NDUFS4: variants seen among roughly 807,000 people sequenced by gnomAD.
NDUFS4 encodes the protein NADH:ubiquinone oxidoreductase subunit S4.
In NDUFS4, 28 loss-of-function variants were observed where a neutral mutation model predicts 24.3. That is an observed-to-expected ratio of 1.15 (90% CI 0.85 to 1.58). NDUFS4 has a LOEUF of 1.58. Among genes scored for constraint, NDUFS4 ranks in the 40% most tolerant of loss-of-function variants. The pLI is 0.00. For synonymous variants in NDUFS4, 93 were observed against 69.7 expected (o/e 1.34, Z -1.67); for missense variants, 223 against 207.9 (o/e 1.07, Z -0.45).
intron 1 of NDUFS4, among the ~76,000 whole-genome samples, chr5:53,582,483 A>C (rs911347086): frequency 6.6e-6 from 1 of 152,180 alleles, no homozygotes; most frequent in Admixed American, 6.5e-5. Context: ...TTCAGCTCAC[A>C]TGTACATCCT....
At chr5:53,671,938 A>G (rs1454705519) in intron 4 of NDUFS4, among the ~76,000 whole-genome samples, 1 of 152,156 alleles carries the variant, frequency 6.6e-6, no homozygotes, top group Non-Finnish European at 1.5e-5. Context: ...TCTCAAAATA[A>G]AGGAAGGTTT....
intron 4 of NDUFS4, among the ~76,000 whole-genome samples, chr5:53,682,387 C>T (rs1186666588): frequency 6.6e-6 from 1 of 151,518 alleles, no homozygotes; most frequent in Non-Finnish European, 1.5e-5. Context: ...CTTTTTTATG[C>T]ATAAAAATCT....
intron 1 of NDUFS4, among the ~76,000 whole-genome samples, chr5:53,582,906 C>T (rs138818566): frequency 3.3e-5 from 5 of 152,218 alleles, no homozygotes; most frequent in African/African-American, 1.2e-4. Context: ...AGCAGTATAG[C>T]ATATATTTTT....
rs191798644 is a variant in NDUFS4, at chr5:53,669,211, A to C, written c.424+10587A>C. ...ACTATGACATTTGTGTAAGTCCCAAAATACCCTTTATTCAAACATCTTCAA... is the reference window on the plus strand; with the variant it reads ...ACTATGACATTTGTGTAAGTCCCAACATACCCTTTATTCAAACATCTTCAA... On this transcript the variant is annotated intron_variant, in intron 4 of 4. Transcript: ENST00000296684. 1.5e-3 allele frequency among the ~76,000 whole-genome samples: 227 copies of C among 152,270 alleles called. 1 individual carries two copies. The highest frequency in any genetic ancestry group is 4.9e-3 in the African/African-American group (205 of 41,554).
chr5:53,622,947 G>A (rs1234732589), intron 2 of NDUFS4, among the ~76,000 whole-genome samples: 1 of 152,114 alleles, frequency 6.6e-6, no homozygotes, highest in Admixed American at 6.5e-5. Context: ...GCATGTGTCA[G>A]AATTTCATTC....
intron 2 of NDUFS4, among the ~76,000 whole-genome samples, chr5:53,610,173 A>G (rs1750652097): frequency 6.6e-6 from 1 of 151,872 alleles, no homozygotes; most frequent in African/African-American, 2.4e-5. Flanking sequence ...GAGACATGAG[A>G]CTCTTCCTTT....
intron 1 of NDUFS4, among the ~76,000 whole-genome samples, chr5:53,596,276 AC>A (rs945276619): frequency 2.0e-5 from 3 of 151,756 alleles, no homozygotes; most frequent in Non-Finnish European, 2.9e-5. Flanking sequence ...ATAAAAAAAA[AC>A]AAAAAATTAG....
At chr5:53,645,936 C>G (rs916896280) in intron 2 of NDUFS4, among the ~76,000 whole-genome samples, 2 of 152,160 alleles carry the variant, frequency 1.3e-5, no homozygotes, top group African/African-American at 4.8e-5. Context: ...ACAGGCTCTT[C>G]TGCGAGCAAA....
At chr5:53,646,129 T>C (rs1751854222) in intron 2 of NDUFS4, 104 bp from the exon 3 acceptor site, 1 of 971,400 alleles carries the variant, frequency 1.0e-6, no homozygotes, top group Admixed American at 2.2e-5. Context: ...TCTCAATTTA[T>C]GAACAAATCT....
At chr5:53,627,448 T>C (rs1253416639) in intron 2 of NDUFS4, among the ~76,000 whole-genome samples, 1 of 152,222 alleles carries the variant, frequency 6.6e-6, no homozygotes, top group East Asian at 1.9e-4. Flanking sequence ...GGGTATAGCA[T>C]TGAATCTGTA....
chr5:53,635,228 C>A (rs983005641), intron 2 of NDUFS4, among the ~76,000 whole-genome samples: 1 of 150,830 alleles, frequency 6.6e-6, no homozygotes, highest in East Asian at 1.9e-4. Flanking sequence ...ACCAACCAAC[C>A]AAAAAATCCA....
chr5:53,636,634 T>C (rs1319937756), intron 2 of NDUFS4, among the ~76,000 whole-genome samples: 1 of 152,198 alleles, frequency 6.6e-6, no homozygotes, highest in African/African-American at 2.4e-5. Flanking sequence ...AACTTAGTGA[T>C]ATGGTTCGGA....
intron 1 of NDUFS4, chr5:53,573,521 A>G (rs1749284549): frequency 1.6e-5 from 7 of 442,184 alleles, no homozygotes; most frequent in Admixed American, 1.5e-4. Context: ...GTTTCGTTAG[A>G]TTTATGCCTA....
At chr5:53,596,697 C>G (rs1750141377) in intron 1 of NDUFS4, among the ~76,000 whole-genome samples, 1 of 152,126 alleles carries the variant, frequency 6.6e-6, no homozygotes, top group African/African-American at 2.4e-5. Flanking sequence ...AATTAAAACT[C>G]TCAGTAATAT....
intron 4 of NDUFS4, among the ~76,000 whole-genome samples, chr5:53,659,299 A>G (rs1392111115): frequency 2.0e-5 from 3 of 152,162 alleles, no homozygotes; most frequent in African/African-American, 4.8e-5. Flanking sequence ...TTAAGCCAAC[A>G]TAGTATAGTG....
chr5:53,614,347 G>GAACA, intron 2 of NDUFS4, among the ~76,000 whole-genome samples: 2 of 151,858 alleles, frequency 1.3e-5, no homozygotes, highest in Non-Finnish European at 2.9e-5. Flanking sequence ...GAAAATGAAT[G>GAACA]TTAAGTATTA....
At chr5:53,586,507 AGTTAGTTTGTTT>A (rs1367947276) in intron 1 of NDUFS4, among the ~76,000 whole-genome samples, 5 of 150,292 alleles carry the variant, frequency 3.3e-5, no homozygotes, top group Admixed American at 2.0e-4. Flanking sequence ...TTAGTTAGTT[AGTTAGTTTGTTT>A]GTTTGTTTAT....
intron 3 of NDUFS4, among the ~76,000 whole-genome samples, chr5:53,647,966 A>G (rs1165332582): frequency 6.6e-6 from 1 of 152,234 alleles, no homozygotes; most frequent in Non-Finnish European, 1.5e-5. Flanking sequence ...AAAAAAGTCA[A>G]ACAATACAAA....
chr5:53,657,209 G>GTA (rs1422944761), intron 3 of NDUFS4, among the ~76,000 whole-genome samples: 1 of 152,100 alleles, frequency 6.6e-6, no homozygotes, highest in Non-Finnish European at 1.5e-5. Flanking sequence ...TCTGTTCTCA[G>GTA]TATATATACT....
Sources: gnomAD v4.1 joint callset for allele counts (sites outside exome capture counted in the v4.1 genomes callset) on GRCh38, gnomAD v4.1.1 for gene constraint, MANE v1.5 for transcripts, NCBI Gene and HGNC (gene_info 2026-07-23, HGNC 2026-07-21) for gene names.